Variants in PCLO observed in about 807,000 individuals in gnomAD.
The protein encoded by PCLO is piccolo presynaptic cytomatrix protein.
PCLO carries 82 observed loss-of-function variants against 427.5 expected under a neutral mutation model. That is an observed-to-expected ratio of 0.19 (90% CI 0.16 to 0.23). The LOEUF is 0.23. Among genes scored for constraint, PCLO ranks in the 10% least tolerant of loss-of-function variants. The pLI, the probability that PCLO is intolerant of heterozygous loss-of-function variation, is 1.00. For synonymous variants in PCLO, 2,357 were observed against 2,155.4 expected (o/e 1.09, Z -2.59); for missense variants, 6,239 against 6,115.9 (o/e 1.02, Z -0.67).
At chr7:82,905,535 T>C (rs1794168114) in intron 8 of PCLO, among the ~76,000 whole-genome samples, 1 of 151,856 alleles carries the variant, frequency 6.6e-6, no homozygotes, top group Non-Finnish European at 1.5e-5. Flanking sequence ...GCCCAAGACA[T>C]AATACATGGG....
intron 3 of PCLO, among the ~76,000 whole-genome samples, chr7:83,001,249 G>A (rs914643314): frequency 2.0e-5 from 3 of 151,872 alleles, no homozygotes; most frequent in African/African-American, 7.3e-5. Context: ...CAGGTAAAAA[G>A]ATTCAAGACG....
At chr7:82,995,984 A>G (rs1428105969) in intron 3 of PCLO, among the ~76,000 whole-genome samples, 1 of 151,908 alleles carries the variant, frequency 6.6e-6, no homozygotes, top group Non-Finnish European at 1.5e-5. Context: ...GAGGTACTGG[A>G]TAATTCTCAT....
chr7:82,855,865 A>C (rs529611848), intron 10 of PCLO, among the ~76,000 whole-genome samples: 1 of 151,548 alleles, frequency 6.6e-6, no homozygotes, highest in Non-Finnish European at 1.5e-5. Context: ...GGAGGTTCCA[A>C]AGGAAGTAGG....
chr7:82,953,403 G>A lies in PCLO; in HGVS notation c.7550C>T (p.Pro2517Leu). 1 of 1,613,648 alleles carries A rather than the reference G, an allele frequency of 6.2e-7. No homozygotes were observed. The highest frequency in any genetic ancestry group is 1.1e-5 in the South Asian group (1 of 91,060). The change falls in exon 5 of 25, where the codon CCT becomes CTT. Residue 2517 changes from proline to leucine, a missense_variant. Coordinates refer to ENST00000333891, the MANE Select transcript of PCLO (RefSeq NM_033026.6). ...TTTTTGTGTAGTTGTTGGAAGCTGA[G>A]GAATCACTGGTTTGGGGGCGATTGG... is the stretch of plus-strand genomic sequence containing the variant. ...KPPIAPKPVI[P>L]QLPTTTQKPT...
chr7:83,121,668 A>T (rs749785268), intron 3 of PCLO, among the ~76,000 whole-genome samples: 11 of 118,318 alleles, frequency 9.3e-5, no homozygotes, highest in Admixed American at 4.9e-4. Flanking sequence ...CTGAAAATAA[A>T]TGGATGGAAA....
intron 3 of PCLO, among the ~76,000 whole-genome samples, chr7:83,054,239 A>T (rs954160631): frequency 2.0e-5 from 3 of 152,080 alleles, no homozygotes; most frequent in African/African-American, 7.2e-5. Context: ...GAGCTCTCTT[A>T]TGCAAAAAGA....
chr7:82,859,980 G>T (rs1271063139), intron 10 of PCLO, among the ~76,000 whole-genome samples: 3 of 152,000 alleles, frequency 2.0e-5, no homozygotes, highest in Non-Finnish European at 2.9e-5. Context: ...TCAAGCAAAA[G>T]AAAGGATTAG....
chr7:83,005,805 G>A (rs1787932900), intron 3 of PCLO, among the ~76,000 whole-genome samples: 1 of 151,442 alleles, frequency 6.6e-6, no homozygotes, highest in African/African-American at 2.4e-5. Context: ...TTTAGTAAAG[G>A]AATACAACTT....
At chr7:82,929,743 A>T (rs1196867394) in intron 6 of PCLO, among the ~76,000 whole-genome samples, 1 of 152,168 alleles carries the variant, frequency 6.6e-6, no homozygotes, top group Non-Finnish European at 1.5e-5. Flanking sequence ...GTATGTTCAA[A>T]AACTACTATT....
chr7:83,098,469 G>A (rs879428270), intron 3 of PCLO, among the ~76,000 whole-genome samples: 10 of 152,022 alleles, frequency 6.6e-5, no homozygotes, highest in Admixed American at 5.2e-4. Context: ...TTACAGTCTC[G>A]ATAACATGAC....
At chr7:83,040,998 C>T (rs993145400) in intron 3 of PCLO, among the ~76,000 whole-genome samples, 5 of 152,094 alleles carry the variant, frequency 3.3e-5, no homozygotes, top group African/African-American at 1.2e-4. Context: ...ACTACTTAAT[C>T]AGGAAATTTA....
At chr7:82,767,563 G>T (rs1349426339) in intron 22 of PCLO, among the ~76,000 whole-genome samples, 1 of 151,902 alleles carries the variant, frequency 6.6e-6, no homozygotes, top group Non-Finnish European at 1.5e-5. Context: ...AGGAAAGAAA[G>T]AATTAAGATA....
At chr7:83,092,604 T>C (rs573991153) in intron 3 of PCLO, among the ~76,000 whole-genome samples, 6 of 151,946 alleles carry the variant, frequency 3.9e-5, no homozygotes, top group African/African-American at 1.2e-4. Context: ...TGTGGAAGAG[T>C]AGTGATCCCT....
At chr7:83,158,619 A>G (rs1241022955) in intron 1 of PCLO, among the ~76,000 whole-genome samples, 1 of 152,030 alleles carries the variant, frequency 6.6e-6, no homozygotes, top group Admixed American at 6.5e-5. Context: ...TTAATCCATC[A>G]TATTTGTAAA....
chr7:82,846,673 A>G lies in PCLO; in HGVS notation c.13764-39T>C, dbSNP rs1447128679. 3 of 1,392,912 alleles carry G rather than the reference A, an allele frequency of 2.2e-6. No individual in the cohort carries two copies. The Admixed American group carries it at 6.1e-5, about 28-fold the overall frequency. The allele number at this position is 1,392,912 out of a possible 1,614,324, so 86.3% of individuals were successfully genotyped here. A position where few individuals can be genotyped will look rare whatever the true frequency, so the allele number is the denominator to read the frequency against. ...CAAAACATTAAGAAAGATATTGAGG[A>G]AATCTGAGACAAAGAGCACTTTTTT... On this transcript the variant is annotated intron_variant, in intron 11 of 24. Coordinates refer to ENST00000333891, the MANE Select transcript of PCLO (RefSeq NM_033026.6).
At chr7:82,940,219 A>G (rs981567048) in intron 6 of PCLO, among the ~76,000 whole-genome samples, 7 of 152,160 alleles carry the variant, frequency 4.6e-5, no homozygotes, top group Admixed American at 2.0e-4. Context: ...GCCACAAGTG[A>G]CCTATTGAAA....
intron 3 of PCLO, among the ~76,000 whole-genome samples, chr7:83,099,238 G>A (rs567790337): frequency 2.9e-4 from 42 of 147,326 alleles, no homozygotes; most frequent in African/African-American, 1.0e-3. Flanking sequence ...GTGGAGGCAC[G>A]CAGAGTGGAG....
intron 2 of PCLO, among the ~76,000 whole-genome samples, chr7:83,142,696 C>T (rs1414795333): frequency 2.0e-5 from 3 of 152,250 alleles, no homozygotes; most frequent in South Asian, 2.1e-4. Context: ...TGGTGGCTCA[C>T]ATCTGTAATC....
intron 3 of PCLO, among the ~76,000 whole-genome samples, chr7:83,039,907 G>T (rs529093053): frequency 6.6e-6 from 1 of 152,044 alleles, no homozygotes; most frequent in Admixed American, 6.6e-5. Flanking sequence ...TTATTTTTAA[G>T]TATTTTGTAC....
Sources: gnomAD v4.1 joint callset for allele counts (sites outside exome capture counted in the v4.1 genomes callset) on GRCh38, gnomAD v4.1.1 for gene constraint, MANE v1.5 for transcripts, NCBI Gene and HGNC (gene_info 2026-07-23, HGNC 2026-07-21) for gene names.